CLASP1: variants seen among roughly 807,000 people sequenced by gnomAD.
The protein encoded by CLASP1 is cytoplasmic linker associated protein 1.
Under a neutral mutation model 192.3 loss-of-function variants are expected in CLASP1, and 38 were observed. The observed-to-expected ratio is 0.20, with a 90% CI of 0.15 to 0.26. The LOEUF is 0.26. CLASP1 is among the 10% of genes least tolerant of loss of function. CLASP1 has a pLI of 1.00. For missense variants in CLASP1, 1,433 were observed against 1,932.5 expected, an observed-to-expected ratio of 0.74 and a Z score of 4.85; for synonymous variants, 691 against 712.8, an observed-to-expected ratio of 0.97 and a Z score of 0.49.
chr2:121,444,710 A>T (rs937911128), intron 19 of CLASP1, among the ~76,000 whole-genome samples: 1 of 152,230 alleles, frequency 6.6e-6, no homozygotes, highest in Admixed American at 6.5e-5. Context: ...AGCATACTTT[A>T]GTGCTAAAAT....
intron 2 of CLASP1, among the ~76,000 whole-genome samples, chr2:121,560,572 G>T (rs1431278003): frequency 2.6e-5 from 4 of 152,216 alleles, no homozygotes; most frequent in African/African-American, 9.6e-5. Flanking sequence ...TCTCTGCAAA[G>T]TGGAGAATGA....
At chr2:121,445,546 G>C in intron 19 of CLASP1, 1 of 1,054,140 alleles carries the variant, frequency 9.5e-7, no homozygotes, top group Non-Finnish European at 1.3e-6. Flanking sequence ...CTTTTGCAAA[G>C]ATGTCATGTG....
At chr2:121,470,245 C>T (rs376764436) in intron 8 of CLASP1, 3 of 515,148 alleles carry the variant, frequency 5.8e-6, no homozygotes, top group South Asian at 1.5e-5. Context: ...AAAACCACCA[C>T]CTTGAAACAG....
chr2:121,507,941 T>G (rs1229754768), intron 7 of CLASP1, among the ~76,000 whole-genome samples: 3 of 152,092 alleles, frequency 2.0e-5, no homozygotes, highest in Non-Finnish European at 4.4e-5. Flanking sequence ...ACAAAACTAT[T>G]CACCAAAAAC....
At chr2:121,353,043 G>A (rs1035468562) in intron 37 of CLASP1, among the ~76,000 whole-genome samples, 1 of 152,176 alleles carries the variant, frequency 6.6e-6, no homozygotes, top group Non-Finnish European at 1.5e-5. Flanking sequence ...AACACATGAT[G>A]GCTAAGCCAT....
chr2:121,363,377 A>C, intron 36 of CLASP1, 77 bp from the exon 38 acceptor site: 4 of 1,569,154 alleles, frequency 2.5e-6, no homozygotes, highest in Non-Finnish European at 2.6e-6. Flanking sequence ...CAGGGTCGGC[A>C]AGGCCAAGCA....
intron 2 of CLASP1, among the ~76,000 whole-genome samples, chr2:121,581,673 C>T (rs527561076): frequency 3.3e-4 from 51 of 152,240 alleles, no homozygotes; most frequent in Middle Eastern, 3.4e-3. Flanking sequence ...TTGCTTGAGC[C>T]GAGGAGTTTG....
At chr2:121,393,251 TG>T (rs954393702) in intron 30 of CLASP1, among the ~76,000 whole-genome samples, 1 of 152,174 alleles carries the variant, frequency 6.6e-6, no homozygotes, top group African/African-American at 2.4e-5. Flanking sequence ...CTTCTGTATT[TG>T]GAATACCTAC....
At chr2:121,435,349 A>G (rs927276087) in intron 19 of CLASP1, among the ~76,000 whole-genome samples, 1 of 152,086 alleles carries the variant, frequency 6.6e-6, no homozygotes, top group Non-Finnish European at 1.5e-5. Context: ...ATCTGGGCTC[A>G]CTGCAACCTC....
At chr2:121,510,379 C>A (rs981958737) in intron 7 of CLASP1, among the ~76,000 whole-genome samples, 1 of 152,052 alleles carries the variant, frequency 6.6e-6, no homozygotes, top group Non-Finnish European at 1.5e-5. Flanking sequence ...TAAGCATGTA[C>A]AAATAAAAAG....
chr2:121,396,127 A>T (rs1481295038), intron 30 of CLASP1, among the ~76,000 whole-genome samples: 2 of 152,202 alleles, frequency 1.3e-5, no homozygotes, highest in Non-Finnish European at 2.9e-5. Context: ...TTTTAATTGC[A>T]GCCAGGACTG....
chr2:121,478,716 A>C (rs1384542493), intron 8 of CLASP1, among the ~76,000 whole-genome samples: 1 of 23,576 alleles, frequency 4.2e-5, no homozygotes. Flanking sequence ...CCACACACAC[A>C]ACCACACACA....
At chr2:121,578,261 CAAAG>C (rs1196013934) in intron 2 of CLASP1, among the ~76,000 whole-genome samples, 12 of 151,670 alleles carry the variant, frequency 7.9e-5, no homozygotes, top group African/African-American at 2.4e-4. Context: ...AACAAAGAAA[CAAAG>C]AAACAAACAA....
intron 2 of CLASP1, among the ~76,000 whole-genome samples, chr2:121,566,776 C>G (rs2059541632): frequency 6.6e-6 from 1 of 152,188 alleles, no homozygotes; most frequent in Non-Finnish European, 1.5e-5. Flanking sequence ...TTACCTCTTA[C>G]CCACTGGACT....
intron 35 of CLASP1, 41 bp downstream of exon 36, chr2:121,367,547 A>T: frequency 6.2e-7 from 1 of 1,611,844 alleles, no homozygotes; most frequent in South Asian, 1.1e-5. Context: ...GCACAAGGGA[A>T]GCACTTCTGG....
At chr2:121,346,189 A>C (rs893092151) in intron 39 of CLASP1, among the ~76,000 whole-genome samples, 2 of 152,206 alleles carry the variant, frequency 1.3e-5, no homozygotes, top group Non-Finnish European at 2.9e-5. Context: ...GGTTTGTATA[A>C]AAAGGTGGGG....
chr2:121,563,554 T>C lies in CLASP1; in HGVS notation c.196-33229A>G, dbSNP rs540103002. Reference sequence around the variant, plus strand: ...AAAAATATGCTAACTTGTTCTAGCATAGAAAGCTTAGAGGTAGGATATGGA... The same window carrying C: ...AAAAATATGCTAACTTGTTCTAGCACAGAAAGCTTAGAGGTAGGATATGGA... On this transcript the variant is annotated intron_variant, in intron 2 of 39. Coordinates refer to ENST00000263710, the Ensembl canonical transcript of CLASP1. Among the ~76,000 whole-genome samples, 56 of 152,336 alleles carry C rather than the reference T, an allele frequency of 3.7e-4. No individual in the cohort carries two copies. The South Asian group carries it at 5.6e-3, about 15-fold the overall frequency.
At position 121,643,603 on chromosome 2, in the gene CLASP1, CATT is replaced by C. The variant is rs575918727; in HGVS notation, c.-286+5766_-286+5768del. Among the ~76,000 whole-genome samples the C allele has an allele frequency of 2.1e-3, 313 of 152,122 alleles. 1 individual carries two copies. Among genetic ancestry groups the C allele is most frequent in the African/African-American group, 6.0e-3 (249 of 41,480 alleles). On this transcript the variant is annotated intron_variant, in intron 1 of 39. Transcript: ENST00000263710. Reference sequence around the variant, plus strand: ...ATCATTTTTATCTTTTAAATCTGGCCATTATTATTATGAAGACATTTATTTATA... The same window carrying C: ...ATCATTTTTATCTTTTAAATCTGGCCATTATTATGAAGACATTTATTTATA...
chr2:121,467,147 G>T (rs1319858568), intron 9 of CLASP1, among the ~76,000 whole-genome samples: 4 of 152,156 alleles, frequency 2.6e-5, no homozygotes, highest in Admixed American at 2.6e-4. Flanking sequence ...CAAAGGACAT[G>T]ATCTTGTTCC....
Sources: allele counts gnomAD v4.1 joint callset (sites outside exome capture counted in the v4.1 genomes callset), GRCh38; gene constraint gnomAD v4.1.1; transcripts MANE v1.5; gene names NCBI Gene and HGNC (gene_info 2026-07-23, HGNC 2026-07-21).